The following BAZ2B variants were observed in gnomAD, a reference collection of about 807,000 sequenced individuals.
BAZ2B encodes the protein bromodomain adjacent to zinc finger domain protein 2B.
BAZ2B carries 91 observed loss-of-function variants against 246.0 expected under a neutral mutation model. That is an observed-to-expected ratio of 0.37 (90% confidence interval 0.31 to 0.44). The LOEUF is 0.44. BAZ2B is among the 20% of genes least tolerant of loss of function. The pLI is 1.00. For missense variants in BAZ2B, 2,332 were observed against 2,533.7 expected (o/e 0.92, Z 1.71); for synonymous variants, 855 against 860.0 (o/e 0.99, Z 0.10).
At chr2:159,706,131 A>T in the BAZ2B span, among the ~76,000 whole-genome samples, 1 of 149,662 alleles carries the variant, frequency 6.7e-6, no homozygotes, top group African/African-American at 2.4e-5. Context: ...TTGTGTGACC[A>T]TGCAGAAAGT....
At chr2:159,388,347 T>C (rs2062884726) in intron 21 of BAZ2B, among the ~76,000 whole-genome samples, 1 of 152,158 alleles carries the variant, frequency 6.6e-6, no homozygotes, top group Non-Finnish European at 1.5e-5. Context: ...ATTATGCTGG[T>C]TGCCAAGATT....
intron 2 of BAZ2B, among the ~76,000 whole-genome samples, chr2:159,533,917 CA>C (rs1273496718): frequency 3.3e-5 from 5 of 152,246 alleles, no homozygotes; most frequent in African/African-American, 1.2e-4. Context: ...CTAAGAAAAT[CA>C]TTACTTAACA....
rs776822333 is a variant in BAZ2B at position 159,325,802 on chromosome 2, T to TCTA, written c.6059_6060insTAG (p.Ala2020_Ser2021insArg). On this transcript the variant is annotated inframe_insertion, in exon 35 of 37. Transcript: ENST00000392783. ...CTCTTTTTAGTGAACTACTTGTAGA[T>TCTA]GCAGAGTCTTCATCTTCAGTATCTC... 2.5e-6 allele frequency: 4 copies of TCTA among 1,610,316 alleles called. No individual in the cohort carries two copies. The highest frequency in any genetic ancestry group is 3.4e-6 in the Non-Finnish European group (4 of 1,179,060).
chr2:159,501,182 AT>A lies in BAZ2B; in HGVS notation c.-2-22462del, dbSNP rs1202551563. ...TAAATATATAATATATATTATATATATTTATATATAATATATATATTTTTAT... is the reference window on the plus strand; with the variant it reads ...TAAATATATAATATATATTATATATATTATATATAATATATATATTTTTAT... On this transcript the variant is annotated intron_variant, in intron 2 of 36. Transcript: ENST00000392783. Among the ~76,000 whole-genome samples, 14 of 105,598 alleles carry A rather than the reference AT, an allele frequency of 1.3e-4. No individual in the cohort carries two copies. In the East Asian group the frequency reaches 1.7e-3, roughly 13 times the overall value. 69.3% of individuals were successfully genotyped at this position (105,598 alleles called of 152,430 possible).
At chr2:159,507,156 TC>T (rs1383583030) in intron 2 of BAZ2B, among the ~76,000 whole-genome samples, 2 of 152,168 alleles carry the variant, frequency 1.3e-5, no homozygotes, top group African/African-American at 4.8e-5. Flanking sequence ...GCTTAGATGG[TC>T]GTCAAAGAGA....
chr2:159,611,776 T>C (rs1435619924), intron 1 of BAZ2B, among the ~76,000 whole-genome samples: 4 of 152,006 alleles, frequency 2.6e-5, no homozygotes, highest in Non-Finnish European at 4.4e-5. Context: ...AAAATTCTCT[T>C]AACATAGTAA....
At position 159,410,747 on chromosome 2, in the gene BAZ2B, T is replaced by G. The variant is rs192420105; in HGVS notation, c.2677+1588A>C. 2.6e-5 allele frequency among the ~76,000 whole-genome samples: 4 copies of G among 152,320 alleles called. No homozygotes were observed. The East Asian group carries it at 7.7e-4, about 29-fold the overall frequency. ...TCAAAGTATGAACTGGAGACAATAT[T>G]TGCCTGCTATCCATAAAAACTTGAA... is the stretch of plus-strand genomic sequence containing the variant. On this transcript the variant is annotated intron_variant, in intron 14 of 36. Coordinates refer to ENST00000392783, the MANE Select transcript of BAZ2B (RefSeq NM_013450.4).
the BAZ2B span, among the ~76,000 whole-genome samples, chr2:159,624,824 G>A: frequency 6.6e-6 from 1 of 152,156 alleles, no homozygotes; most frequent in Non-Finnish European, 1.5e-5. Context: ...ACTGGATGGA[G>A]AATGAGTTTG....
At chr2:159,426,294 C>T (rs959562785) in intron 13 of BAZ2B, among the ~76,000 whole-genome samples, 3 of 152,080 alleles carry the variant, frequency 2.0e-5, no homozygotes, top group African/African-American at 7.2e-5. Context: ...CCTTTATATG[C>T]TAAATAGCAA....
At chr2:159,466,727 G>A (rs1462294646) in intron 3 of BAZ2B, among the ~76,000 whole-genome samples, 1 of 151,516 alleles carries the variant, frequency 6.6e-6, no homozygotes, top group Non-Finnish European at 1.5e-5. Context: ...TCTGAGAACC[G>A]AAGGGCTGAT....
intron 3 of BAZ2B, among the ~76,000 whole-genome samples, chr2:159,454,991 G>A (rs2075560862): frequency 6.6e-6 from 1 of 151,966 alleles, no homozygotes; most frequent in South Asian, 2.1e-4. Context: ...TTACTTCCAG[G>A]AAATAATTAA....
intron 27 of BAZ2B, among the ~76,000 whole-genome samples, chr2:159,352,420 C>T (rs556330340): frequency 2.9e-4 from 44 of 151,180 alleles, no homozygotes; most frequent in Admixed American, 8.5e-4. Flanking sequence ...TTTTTGATTA[C>T]CTTCCCTCCC....
At chr2:159,547,134 A>G (rs927510750) in intron 2 of BAZ2B, among the ~76,000 whole-genome samples, 2 of 152,190 alleles carry the variant, frequency 1.3e-5, no homozygotes, top group Non-Finnish European at 2.9e-5. Flanking sequence ...GGAGAAAGAA[A>G]ATCAGAGAAT....
At chr2:159,500,269 T>C (rs548800533) in intron 2 of BAZ2B, among the ~76,000 whole-genome samples, 5 of 152,216 alleles carry the variant, frequency 3.3e-5, no homozygotes, top group African/African-American at 7.2e-5. Context: ...CTCTGTTAAA[T>C]AGGGAGTCCT....
At chr2:159,362,565 A>C (rs1390527397) in intron 27 of BAZ2B, among the ~76,000 whole-genome samples, 1 of 152,142 alleles carries the variant, frequency 6.6e-6, no homozygotes, top group Non-Finnish European at 1.5e-5. Context: ...TGCTGCTATT[A>C]GCACCATGTG....
chr2:159,348,145 C>A (rs2058151615), intron 30 of BAZ2B, among the ~76,000 whole-genome samples: 1 of 151,182 alleles, frequency 6.6e-6, no homozygotes, highest in Non-Finnish European at 1.5e-5. Context: ...ATAGTGAGGC[C>A]CTGTCTCTAC....
chr2:159,349,822 C>T lies in BAZ2B; in HGVS notation c.4749G>A (p.Leu1583=), dbSNP rs1219616259. The part of the protein sequence containing the change: ...LTHADMSTAS[L]VTPQSQPPSK... ...ATGGTGGCTGAGACTGAGGAGTCAC[C>T]AAAGAAGCAGTTGACATATCGGCAT... The change falls in exon 28 of 37, where the codon TTG becomes TTA. Residue 1583 remains leucine (L), a synonymous_variant. Transcript: ENST00000392783. 85 of 1,614,082 alleles carry T rather than the reference C, an allele frequency of 5.3e-5. No individual in the cohort carries two copies. The highest frequency in any genetic ancestry group is 7.2e-5 in the Non-Finnish European group (85 of 1,180,002).
At chr2:159,598,653 G>C (rs908777795) in intron 1 of BAZ2B, among the ~76,000 whole-genome samples, 2 of 151,960 alleles carry the variant, frequency 1.3e-5, no homozygotes, top group African/African-American at 4.8e-5. Context: ...TTTGAGACCA[G>C]CCCGGCCAAA....
intron 27 of BAZ2B, among the ~76,000 whole-genome samples, chr2:159,350,956 T>C (rs2058491837): frequency 1.3e-5 from 2 of 152,070 alleles, no homozygotes; most frequent in African/African-American, 2.4e-5. Context: ...TACCTAATGC[T>C]AGATGACGAG....
Sources: gnomAD v4.1 joint callset for allele counts (sites outside exome capture counted in the v4.1 genomes callset) on GRCh38, gnomAD v4.1.1 for gene constraint, MANE v1.5 for transcripts, NCBI Gene and HGNC (gene_info 2026-07-23, HGNC 2026-07-21) for gene names.